Variants in TYW1 observed in about 807,000 individuals in gnomAD.
The protein encoded by TYW1 is S-adenosyl-L-methionine-dependent tRNA 4-demethylwyosine synthase TYW1.
In TYW1, 46 loss-of-function variants were observed where a neutral mutation model predicts 96.2. That is an observed-to-expected ratio of 0.48 (90% CI 0.38 to 0.61). The LOEUF is 0.61. TYW1 is among the 20% of genes least tolerant of loss of function. TYW1 has a pLI of 0.00. For missense variants in TYW1, 684 were observed against 909.6 expected, an observed-to-expected ratio of 0.75 and a Z score of 3.19; for synonymous variants, 274 against 323.0, an observed-to-expected ratio of 0.85 and a Z score of 1.63.
chr7:67,189,495 T>G (rs1378225520), intron 14 of TYW1, among the ~76,000 whole-genome samples: 1 of 151,592 alleles, frequency 6.6e-6, no homozygotes, highest in African/African-American at 2.4e-5. Flanking sequence ...GCGTGTCAGA[T>G]CTGGGGTCTC....
intron 14 of TYW1, 48 bp downstream of exon 14, chr7:67,183,284 G>A (rs570093743): frequency 4.6e-6 from 7 of 1,535,208 alleles, no homozygotes; most frequent in East Asian, 4.8e-5. Context: ...ACAAAGAATC[G>A]TGGTGCTTCG....
At chr7:67,089,229 C>T (rs1484040694) in intron 11 of TYW1, 1 of 1,154,708 alleles carries the variant, frequency 8.7e-7, no homozygotes, top group East Asian at 2.7e-5. Context: ...TATACAAGCC[C>T]TGGGGGTAGC....
chr7:67,063,066 A>G (rs1258303550), intron 9 of TYW1, among the ~76,000 whole-genome samples: 2 of 152,160 alleles, frequency 1.3e-5, no homozygotes, highest in Non-Finnish European at 1.5e-5. Flanking sequence ...AGCAAATTGA[A>G]TTCAGCCAAG....
intron 15 of TYW1, among the ~76,000 whole-genome samples, chr7:67,233,443 C>T (rs1801797631): frequency 7.4e-6 from 1 of 135,112 alleles, no homozygotes; most frequent in Admixed American, 7.5e-5. Context: ...GCCTGCATTG[C>T]CTCATCTAGC....
intron 11 of TYW1, among the ~76,000 whole-genome samples, chr7:67,088,018 C>T (rs925960338): frequency 7.9e-5 from 12 of 152,130 alleles, no homozygotes; most frequent in East Asian, 3.9e-4. Flanking sequence ...TGCATGCTAC[C>T]GCGCTTCAGC....
chr7:67,185,836 A>T (rs1230205030), intron 14 of TYW1, among the ~76,000 whole-genome samples: 1 of 151,636 alleles, frequency 6.6e-6, no homozygotes, highest in South Asian at 2.1e-4. Context: ...TGGGAAAGCC[A>T]ACTCTGCTCA....
At chr7:67,105,728 A>G (rs1270962220) in intron 12 of TYW1, among the ~76,000 whole-genome samples, 1 of 152,178 alleles carries the variant, frequency 6.6e-6, no homozygotes. Flanking sequence ...CACCATTCCT[A>G]AAAAAGTGAA....
chr7:67,148,447 A>C (rs1425856079), intron 13 of TYW1, among the ~76,000 whole-genome samples: 1 of 54,176 alleles, frequency 1.8e-5, no homozygotes, highest in African/African-American at 9.6e-5. Context: ...TTTTTTTTTG[A>C]GATGGAGTCT....
chr7:67,095,769 C>T (rs1180776665), intron 11 of TYW1, among the ~76,000 whole-genome samples: 7 of 152,014 alleles, frequency 4.6e-5, no homozygotes, highest in Admixed American at 6.6e-5. Flanking sequence ...GCCCCTCACA[C>T]GTGGTGCTAT....
intron 13 of TYW1, among the ~76,000 whole-genome samples, chr7:67,172,169 C>G (rs1430487795): frequency 6.6e-6 from 1 of 151,656 alleles, no homozygotes; most frequent in East Asian, 1.9e-4. Flanking sequence ...TTGTTTTTAA[C>G]TAAGGAATTT....
chr7:67,227,870 G>C (rs67902540), intron 15 of TYW1, among the ~76,000 whole-genome samples: 40,752 of 152,086 alleles, frequency 0.27, 5,830 homozygotes, highest in African/African-American at 0.36. Context: ...CCACGTGCCT[G>C]TTCCCTCGGT....
At chr7:67,144,686 C>G (rs1395993280) in intron 13 of TYW1, among the ~76,000 whole-genome samples, 3 of 152,060 alleles carry the variant, frequency 2.0e-5, no homozygotes, top group Non-Finnish European at 4.4e-5. Flanking sequence ...GCCCAGCCTC[C>G]TCTAGAGCTC....
At chr7:67,025,451 C>A (rs938978742) in intron 7 of TYW1, among the ~76,000 whole-genome samples, 15 of 151,652 alleles carry the variant, frequency 9.9e-5, no homozygotes, top group African/African-American at 2.2e-4. Context: ...GTGGGTTGGA[C>A]AAGCTTGTTG....
At chr7:67,126,657 C>T (rs1345877424) in intron 13 of TYW1, among the ~76,000 whole-genome samples, 2 of 152,064 alleles carry the variant, frequency 1.3e-5, no homozygotes, top group African/African-American at 2.4e-5. Context: ...ATAAGGTGTT[C>T]GTCTAGATTC....
At chr7:67,209,573 T>A (rs972317318) in intron 15 of TYW1, among the ~76,000 whole-genome samples, 10 of 152,136 alleles carry the variant, frequency 6.6e-5, no homozygotes, top group African/African-American at 9.7e-5. Flanking sequence ...AAAATTTTTT[T>A]AAATTTTTTT....
intron 9 of TYW1, chr7:67,067,042 G>T (rs1310884045): frequency 3.9e-6 from 2 of 513,854 alleles, no homozygotes; most frequent in African/African-American, 1.9e-5. Flanking sequence ...AAGCATTAGT[G>T]GTTCTCCCTG....
chr7:67,119,841 A>T lies in TYW1; in HGVS notation c.1698+2223A>T, dbSNP rs1434360466. On this transcript the variant is annotated intron_variant, in intron 13 of 15. Coordinates refer to ENST00000359626, the MANE Select transcript of TYW1 (RefSeq NM_018264.4). ...CTTGCTCTGTCACCAAAGCTAGAAC[A>T]CAGTGGCACCATCATAGCTCACTGG... Among the ~76,000 whole-genome samples, 5 of 152,132 alleles carry T rather than the reference A, an allele frequency of 3.3e-5. No individual in the cohort carries two copies. In the East Asian group the frequency reaches 9.6e-4, roughly 29 times the overall value.
chr7:67,051,732 G>GTTTTTTT (rs201852688), intron 8 of TYW1, among the ~76,000 whole-genome samples: 19 of 123,906 alleles, frequency 1.5e-4, no homozygotes, highest in Non-Finnish European at 2.5e-4. Context: ...TTGTTTTTTT[G>GTTTTTTT]TTTTTTTTTT....
At chr7:67,175,170 AT>A (rs371564844) in intron 13 of TYW1, among the ~76,000 whole-genome samples, 2,629 of 136,704 alleles carry the variant, frequency 0.019, 26 homozygotes, top group Admixed American at 0.046. Context: ...TTAGTTCAGA[AT>A]TTTTTTTTTT....
Sources: gnomAD v4.1 joint callset for allele counts (sites outside exome capture counted in the v4.1 genomes callset) on GRCh38, gnomAD v4.1.1 for gene constraint, MANE v1.5 for transcripts, NCBI Gene and HGNC (gene_info 2026-07-23, HGNC 2026-07-21) for gene names.